Variants in PRKG1 observed in about 807,000 individuals in gnomAD.
The protein encoded by PRKG1 is protein kinase cGMP-dependent 1.
A neutral mutation model predicts 88.1 loss-of-function variants in PRKG1; 35 were observed. That is an observed-to-expected ratio of 0.40 (90% CI 0.30 to 0.53). The LOEUF (loss-of-function observed/expected upper bound fraction) is 0.53, where lower values mean the gene tolerates loss of function less well. PRKG1 is among the 20% of genes least tolerant of loss of function. The pLI, the probability that PRKG1 is intolerant of heterozygous loss-of-function variation, is 0.59. For missense variants in PRKG1, 540 were observed against 839.8 expected (o/e 0.64, Z 4.41); for synonymous variants, 303 against 292.5 (o/e 1.04, Z -0.37).
intron 5 of PRKG1, among the ~76,000 whole-genome samples, chr10:51,987,349 A>G (rs993074927): frequency 6.6e-6 from 1 of 152,100 alleles, no homozygotes; most frequent in Non-Finnish European, 1.5e-5. Flanking sequence ...AAAAAAATAA[A>G]ACTACTGCAG....
intron 3 of PRKG1, among the ~76,000 whole-genome samples, chr10:51,603,082 T>C (rs1838659966): frequency 6.6e-6 from 1 of 151,996 alleles, no homozygotes; most frequent in Non-Finnish European, 1.5e-5. Flanking sequence ...CTCAACCTCC[T>C]GTGTAGCTAG....
At chr10:51,056,129 C>A (rs969246174) in intron 1 of PRKG1, among the ~76,000 whole-genome samples, 3 of 152,170 alleles carry the variant, frequency 2.0e-5, no homozygotes, top group African/African-American at 7.2e-5. Flanking sequence ...GAAGGGGCAG[C>A]AGTTGTGATG....
intron 5 of PRKG1, among the ~76,000 whole-genome samples, chr10:51,943,361 G>T (rs1176048341): frequency 6.6e-6 from 1 of 151,894 alleles, no homozygotes; most frequent in Non-Finnish European, 1.5e-5. Context: ...GGGCTGAGAT[G>T]ATGGGGTTTT....
intron 1 of PRKG1, among the ~76,000 whole-genome samples, chr10:50,995,202 G>A (rs1842826086): frequency 6.6e-6 from 1 of 152,100 alleles, no homozygotes. Flanking sequence ...AGCATGTATC[G>A]TAGACGAAGG....
At chr10:52,184,725 T>C (rs2132737514) in intron 9 of PRKG1, 1 of 152,322 alleles carries the variant, frequency 6.6e-6, no homozygotes, top group East Asian at 1.9e-4. Context: ...CTGCTACTGC[T>C]GTGGCCCTCA....
In PRKG1 at chr10:51,992,819, G is replaced by A. The variant is rs150770595; in HGVS notation, c.763-61665G>A. Among the ~76,000 whole-genome samples the A allele has an allele frequency of 7.2e-5, 11 of 152,216 alleles. No homozygotes were observed. In the East Asian group the frequency reaches 2.1e-3, roughly 29 times the overall value. ...TGAAGTTGAAAATTGTATTTTACTTGTGCAAAACCCAGATAATTATTTTCA... is the reference window on the plus strand; with the variant it reads ...TGAAGTTGAAAATTGTATTTTACTTATGCAAAACCCAGATAATTATTTTCA... On this transcript the variant is annotated intron_variant, in intron 5 of 17. Coordinates refer to ENST00000373980, the MANE Select transcript of PRKG1 (RefSeq NM_006258.4).
intron 3 of PRKG1, among the ~76,000 whole-genome samples, chr10:51,619,601 C>T (rs1443344018): frequency 6.6e-6 from 1 of 152,112 alleles, no homozygotes; most frequent in Non-Finnish European, 1.5e-5. Context: ...TCCCAGGGCT[C>T]TTATGTTAAT....
intron 2 of PRKG1, among the ~76,000 whole-genome samples, chr10:51,281,124 T>C (rs1481748926): frequency 6.6e-6 from 1 of 152,212 alleles, no homozygotes; most frequent in Non-Finnish European, 1.5e-5. Flanking sequence ...TTGCTGGACG[T>C]CCACTCCGAC....
At chr10:51,183,438 G>A (rs1415567793) in intron 2 of PRKG1, among the ~76,000 whole-genome samples, 5 of 152,188 alleles carry the variant, frequency 3.3e-5, no homozygotes, top group Non-Finnish European at 7.3e-5. Flanking sequence ...CATTCTTCTT[G>A]ATGCTAGGCA....
At chr10:51,846,877 G>A (rs1840411836) in intron 4 of PRKG1, among the ~76,000 whole-genome samples, 2 of 151,960 alleles carry the variant, frequency 1.3e-5, no homozygotes, top group African/African-American at 4.8e-5. Flanking sequence ...TCTTGAAATT[G>A]GGTTATAAAT....
At chr10:51,444,349 A>G (rs1839209161) in intron 2 of PRKG1, among the ~76,000 whole-genome samples, 1 of 151,810 alleles carries the variant, frequency 6.6e-6, no homozygotes, top group Non-Finnish European at 1.5e-5. Flanking sequence ...GAATGAAATG[A>G]TAGCCACGGC....
chr10:51,416,304 C>A (rs897450739), intron 2 of PRKG1, among the ~76,000 whole-genome samples: 7 of 151,976 alleles, frequency 4.6e-5, no homozygotes, highest in African/African-American at 1.7e-4. Flanking sequence ...CAGTATTCCC[C>A]TTTTTCCTTT....
chr10:51,049,846 A>G (rs1300356735), intron 1 of PRKG1, among the ~76,000 whole-genome samples: 1 of 152,150 alleles, frequency 6.6e-6, no homozygotes, highest in Non-Finnish European at 1.5e-5. Flanking sequence ...TGCTTTATGA[A>G]CATTAAAATA....
intron 3 of PRKG1, among the ~76,000 whole-genome samples, chr10:51,772,509 A>G (rs1471937088): frequency 6.6e-6 from 1 of 152,112 alleles, no homozygotes; most frequent in Non-Finnish European, 1.5e-5. Context: ...ATATATTTAT[A>G]TAAACGTGAA....
rs1404075385 is a variant in PRKG1, at chr10:51,126,295, ATATT to A, written c.312-26865_312-26862del. Among the ~76,000 whole-genome samples, 17 of 65,182 alleles carry A rather than the reference ATATT, an allele frequency of 2.6e-4. 1 individual carries two copies. In the South Asian group the frequency reaches 7.4e-3, roughly 28 times the overall value. The allele number at this position is 65,182 out of a possible 152,430, so 42.8% of individuals were successfully genotyped here. ...TAATTATTTATATATTTATATATAA[ATATT>A]TATATATTTATAATTATTTATGTTT... On this transcript the variant is annotated intron_variant, in intron 1 of 17. Transcript: ENST00000373980.
At chr10:52,084,574 G>A (rs1846864186) in intron 7 of PRKG1, among the ~76,000 whole-genome samples, 1 of 151,960 alleles carries the variant, frequency 6.6e-6, no homozygotes. Flanking sequence ...ATAAACATGT[G>A]TTTTTATAAT....
At chr10:52,178,728 C>T (rs543830614) in intron 9 of PRKG1, among the ~76,000 whole-genome samples, 1 of 152,104 alleles carries the variant, frequency 6.6e-6, no homozygotes, top group South Asian at 2.1e-4. Context: ...GAATTGATAC[C>T]TTTATTATTA....
At chr10:51,065,744 C>A (rs1467243668) in intron 1 of PRKG1, among the ~76,000 whole-genome samples, 1 of 152,014 alleles carries the variant, frequency 6.6e-6, no homozygotes, top group African/African-American at 2.4e-5. Flanking sequence ...GTATAGTGAG[C>A]GCCTTCCTGT....
At position 51,531,158 on chromosome 10, in the gene PRKG1, C is replaced by T. The variant is rs150616164; in HGVS notation, c.592+63322C>T. Among the ~76,000 whole-genome samples the T allele has an allele frequency of 5.1e-3, 780 of 152,264 alleles. 9 individuals carry two copies. The highest frequency in any genetic ancestry group is 0.018 in the African/African-American group (746 of 41,542). Reference sequence around the variant, plus strand: ...TAGATCACAAAAATCACAATTACTGCTGTTGAGCATCTGCCTTGTAAATGG... The same window carrying T: ...TAGATCACAAAAATCACAATTACTGTTGTTGAGCATCTGCCTTGTAAATGG... On this transcript the variant is annotated intron_variant, in intron 3 of 17. Coordinates refer to ENST00000373980, the MANE Select transcript of PRKG1 (RefSeq NM_006258.4).
Sources: gnomAD v4.1 joint callset for allele counts (sites outside exome capture counted in the v4.1 genomes callset) on GRCh38, gnomAD v4.1.1 for gene constraint, MANE v1.5 for transcripts, NCBI Gene and HGNC (gene_info 2026-07-23, HGNC 2026-07-21) for gene names.